ABCB5: variants seen among roughly 807,000 people sequenced by gnomAD.
ABCB5 encodes the protein ATP-binding cassette sub-family B member 5.
ABCB5 carries 155 observed loss-of-function variants against 144.2 expected under a neutral mutation model. That is an observed-to-expected ratio of 1.08 (90% CI 0.94 to 1.23). The LOEUF (loss-of-function observed/expected upper bound fraction) is 1.23. ABCB5 is among the 50% of genes most tolerant of loss of function. ABCB5 has a pLI of 0.00. For synonymous variants in ABCB5, 610 were observed against 528.6 expected, an observed-to-expected ratio of 1.15 and a Z score of -2.11; for missense variants, 1,830 against 1,520.8, an observed-to-expected ratio of 1.20 and a Z score of -3.38.
chr7:20,681,396 G>T, intron 14 of ABCB5, 109 bp from the exon 15 acceptor site: 1 of 1,277,348 alleles, frequency 7.8e-7, no homozygotes, highest in Non-Finnish European at 1.1e-6. Context: ...CAAAGTGCTG[G>T]AATTACAGGC....
intron 14 of ABCB5, among the ~76,000 whole-genome samples, chr7:20,680,676 C>T (rs1217536481): frequency 6.6e-6 from 1 of 151,872 alleles, no homozygotes; most frequent in Non-Finnish European, 1.5e-5. Flanking sequence ...GGGCAAATTC[C>T]GTTTGAAATG....
At chr7:20,749,395 ATTTTT>A (rs34687757) in intron 26 of ABCB5, among the ~76,000 whole-genome samples, 4 of 81,942 alleles carry the variant, frequency 4.9e-5, no homozygotes, top group South Asian at 4.2e-4. Context: ...TGCCTGCCTA[ATTTTT>A]TTTTTTTTTT....
At position 20,645,964 on chromosome 7, in the gene ABCB5, T is replaced by G. The variant is rs773852191; in HGVS notation, c.807T>G (p.Tyr269Ter). The change falls in exon 9 of 28, where the codon TAT becomes TAG. Residue 269 changes from tyrosine to a stop codon, truncating the protein, a stop_gained. Transcript: ENST00000404938. LOFTEE classifies it high-confidence loss of function. ...FRAQEKELQR[Y>*]TQNLKDAKDF... Reference sequence around the variant, plus strand: ...AGTTGTGTTCTGTTTTTGTAAGGTATACACAGAATCTCAAAGATGCAAAGG... The same window carrying G: ...AGTTGTGTTCTGTTTTTGTAAGGTAGACACAGAATCTCAAAGATGCAAAGG... 3.7e-5 allele frequency: 59 copies of G among 1,613,382 alleles called. No homozygotes were observed. Among genetic ancestry groups the G allele is most frequent in the Non-Finnish European group, 4.6e-5 (54 of 1,179,708 alleles).
intron 20 of ABCB5, among the ~76,000 whole-genome samples, chr7:20,705,244 A>G: frequency 6.6e-6 from 1 of 152,308 alleles, no homozygotes; most frequent in East Asian, 1.9e-4. Flanking sequence ...ATCAGAAATG[A>G]TTCTGTACTA....
chr7:20,654,275 A>C (rs1444081787), intron 13 of ABCB5, among the ~76,000 whole-genome samples: 1 of 152,180 alleles, frequency 6.6e-6, no homozygotes, highest in Non-Finnish European at 1.5e-5. Context: ...ATTTACAAAA[A>C]CCAGACATGC....
chr7:20,642,554 C>T (rs965896336), intron 5 of ABCB5, among the ~76,000 whole-genome samples: 5 of 152,150 alleles, frequency 3.3e-5, no homozygotes, highest in African/African-American at 1.2e-4. Context: ...GTATTGTCTG[C>T]CTCCTGCCAG....
chr7:20,728,228 A>C, intron 22 of ABCB5, 87 bp from the exon 23 acceptor site: 1 of 1,411,106 alleles, frequency 7.1e-7, no homozygotes, highest in Non-Finnish European at 9.5e-7. Flanking sequence ...AACATTTCAA[A>C]GTCCTCTCTA....
At chr7:20,677,166 C>A (rs1785643756) in intron 14 of ABCB5, among the ~76,000 whole-genome samples, 1 of 152,096 alleles carries the variant, frequency 6.6e-6, no homozygotes, top group African/African-American at 2.4e-5. Context: ...TTCAGCTATT[C>A]ATGCAGTGTG....
chr7:20,682,166 C>T (rs1482570356), intron 15 of ABCB5, among the ~76,000 whole-genome samples: 4 of 152,074 alleles, frequency 2.6e-5, no homozygotes, highest in African/African-American at 9.7e-5. Flanking sequence ...GATTGCGCCA[C>T]TGCACTCCAG....
In ABCB5 at chr7:20,628,681, T is replaced by C; in HGVS notation, c.109-7T>C. The C allele has an allele frequency of 6.2e-7, 1 of 1,611,202 alleles. No homozygotes were observed. The highest frequency in any genetic ancestry group is 8.5e-7 in the Non-Finnish European group (1 of 1,178,546). On this transcript the variant is annotated splice_polypyrimidine_tract_variant and splice_region_variant and intron_variant, in intron 3 of 27. Coordinates refer to ENST00000404938, the MANE Select transcript of ABCB5 (RefSeq NM_001163941.2). The stretch of plus-strand genomic sequence containing the variant: ...GTTGTGGTGCTACCGTGCTTTGTTT[T>C]CCTCAGTTCCGCTTTGCTGATGGAC...
At chr7:20,641,413 C>G (rs1215781928) in intron 5 of ABCB5, 1 of 152,036 alleles carries the variant, frequency 6.6e-6, no homozygotes, top group Non-Finnish European at 1.5e-5. Context: ...GTAGTCCCAG[C>G]GTTATGTACC....
At chr7:20,699,184 G>T (rs1786523215) in intron 17 of ABCB5, among the ~76,000 whole-genome samples, 1 of 152,144 alleles carries the variant, frequency 6.6e-6, no homozygotes, top group Non-Finnish European at 1.5e-5. Context: ...AAACTTGAGT[G>T]ATCAAAAATT....
At chr7:20,618,853 C>T (rs1487493344) in intron 1 of ABCB5, among the ~76,000 whole-genome samples, 6 of 131,200 alleles carry the variant, frequency 4.6e-5, no homozygotes, top group Non-Finnish European at 4.6e-5. Context: ...CAGCTCACTG[C>T]AACCTCCACC....
At chr7:20,636,602 T>C (rs1297964808) in intron 5 of ABCB5, among the ~76,000 whole-genome samples, 1 of 151,848 alleles carries the variant, frequency 6.6e-6, no homozygotes, top group Admixed American at 6.6e-5. Flanking sequence ...CTGGCTAACA[T>C]GGTGAAACTC....
intron 23 of ABCB5, among the ~76,000 whole-genome samples, chr7:20,730,664 T>G (rs1258636823): frequency 6.6e-6 from 1 of 152,170 alleles, no homozygotes; most frequent in East Asian, 1.9e-4. Context: ...ACTAATTACT[T>G]AGGTAGATTA....
chr7:20,630,005 C>T (rs1341870867), intron 4 of ABCB5, among the ~76,000 whole-genome samples: 1 of 152,038 alleles, frequency 6.6e-6, no homozygotes, highest in Non-Finnish European at 1.5e-5. Context: ...TTTCATATTG[C>T]TCTTATCTGT....
chr7:20,626,495 G>C (rs1422810327), intron 2 of ABCB5, 62 bp from the exon 3 acceptor site: 1 of 1,476,188 alleles, frequency 6.8e-7, no homozygotes, highest in Admixed American at 2.1e-5. Flanking sequence ...AACTATTAAT[G>C]GAAAAATTTT....
intron 15 of ABCB5, among the ~76,000 whole-genome samples, chr7:20,684,666 C>T (rs1051994863): frequency 6.6e-6 from 1 of 152,060 alleles, no homozygotes; most frequent in Admixed American, 6.5e-5. Flanking sequence ...ATGGCAGAGA[C>T]ATTTACAGGA....
chr7:20,646,283 C>T (rs867455419), intron 9 of ABCB5, 145 bp downstream of exon 9: 1 of 784,562 alleles, frequency 1.3e-6, no homozygotes, highest in Admixed American at 3.1e-5. Flanking sequence ...TCTGTATACA[C>T]CTTTAAATTA....
Sources: gnomAD v4.1 joint callset for allele counts (sites outside exome capture counted in the v4.1 genomes callset) on GRCh38, gnomAD v4.1.1 for gene constraint, MANE v1.5 for transcripts, NCBI Gene and HGNC (gene_info 2026-07-23, HGNC 2026-07-21) for gene names.